EPN2: variants seen among roughly 807,000 people sequenced by gnomAD.
The protein encoded by EPN2 is epsin-2.
EPN2 carries 34 observed loss-of-function variants against 61.7 expected under a neutral mutation model. The observed-to-expected ratio is 0.55, with a 90% CI of 0.42 to 0.73. EPN2 has a LOEUF of 0.73. EPN2 is among the 30% of genes least tolerant of loss of function. EPN2 has a pLI of 0.00. For missense variants in EPN2, 714 were observed against 839.2 expected, an observed-to-expected ratio of 0.85 and a Z score of 1.84; for synonymous variants, 349 against 353.6, an observed-to-expected ratio of 0.99 and a Z score of 0.15.
At position 19,334,456 on chromosome 17, in the gene EPN2, C is replaced by G. The variant is rs1034916976; in HGVS notation, c.*202C>G. 1 of 415,158 alleles carries G rather than the reference C, an allele frequency of 2.4e-6. No homozygotes were observed. The highest frequency in any genetic ancestry group is 2.0e-5 in the African/African-American group (1 of 48,968). 25.7% of individuals were successfully genotyped at this position (415,158 alleles called of 1,614,324 possible). A position where few individuals can be genotyped will look rare whatever the true frequency, so the allele number is the denominator to read the frequency against. ...GGCAGGCCCCTCAGCCTGGCCTGCT[C>G]TCACCACCTCCTCCAAAGCACTGAG... is the stretch of plus-strand genomic sequence containing the variant. On this transcript the variant is annotated 3_prime_UTR_variant, in exon 11 of 11. Coordinates refer to ENST00000314728, the MANE Select transcript of EPN2 (RefSeq NM_014964.5). The surrounding 1 kb of genome is among the most constrained non-coding windows in gnomAD (Gnocchi z 4.9).
chr17:19,284,631 A>T (rs2045387624), intron 3 of EPN2, among the ~76,000 whole-genome samples: 1 of 152,250 alleles, frequency 6.6e-6, no homozygotes, highest in Admixed American at 6.5e-5. Context: ...AGCATAGCAG[A>T]AAACTTCTTT....
At chr17:19,267,588 G>C (rs2045213258) in intron 1 of EPN2, among the ~76,000 whole-genome samples, 1 of 151,422 alleles carries the variant, frequency 6.6e-6, no homozygotes, top group African/African-American at 2.4e-5. Flanking sequence ...TGTCGCCCAG[G>C]CTGGAATGCA....
At position 19,313,187 on chromosome 17, in the gene EPN2, A is replaced by G; in HGVS notation, c.1055A>G (p.Glu352Gly). The change falls in exon 7 of 11, where the codon GAG (glutamate) becomes GGG (glycine). Residue 352 changes from glutamate to glycine, a missense_variant. Glu to Gly is a moderately conservative substitution (Grantham distance 98). Around this residue, in one of 2 missense-constraint regions of EPN2, gnomAD observed 410 missense variants for 421.8 expected, o/e 0.97. Transcript: ENST00000314728. The stretch of plus-strand genomic sequence containing the variant: ...TCGGGCCCCGCGGCCCAGAAAGCAG[A>G]GCCCTGGGGCCCGTCAGCCTCCACT... ...PSSGPAAQKA[E>G]PWGPSASTNQ... 1 of 1,612,978 alleles carries G rather than the reference A, an allele frequency of 6.2e-7. No homozygotes were observed. The highest frequency in any genetic ancestry group is 8.5e-7 in the Non-Finnish European group (1 of 1,179,598).
At chr17:19,289,086 T>G (rs1295030048) in intron 4 of EPN2, among the ~76,000 whole-genome samples, 3 of 137,694 alleles carry the variant, frequency 2.2e-5, no homozygotes, top group Non-Finnish European at 3.1e-5. Context: ...TTTTTTTTTT[T>G]TTTTTTTTTT....
At chr17:19,316,469 C>T (rs1351598533) in intron 7 of EPN2, among the ~76,000 whole-genome samples, 1 of 152,200 alleles carries the variant, frequency 6.6e-6, no homozygotes, top group African/African-American at 2.4e-5. Flanking sequence ...GTGCTTATGG[C>T]ACCATGTCCT....
Position 19,333,940 on chromosome 17 carries a change from C to A in EPN2, c.1628-16C>A. The A allele has an allele frequency of 6.6e-7, 1 of 1,517,254 alleles. No individual in the cohort carries two copies. Among genetic ancestry groups the A allele is most frequent in the African/African-American group, 1.4e-5 (1 of 72,506 alleles). The allele number at this position is 1,517,254 out of a possible 1,614,324, so 94.0% of individuals were successfully genotyped here. On this transcript the variant is annotated splice_polypyrimidine_tract_variant and intron_variant, in intron 10 of 10. Transcript: ENST00000314728. Reference sequence around the variant, plus strand: ...CCCTGACGGCTCAGCCTCTGCCCCTCCTTCTGTCTCCCCAGGTGCTCCCGC... The same window carrying A: ...CCCTGACGGCTCAGCCTCTGCCCCTACTTCTGTCTCCCCAGGTGCTCCCGC...
intron 4 of EPN2, among the ~76,000 whole-genome samples, chr17:19,289,233 C>T (rs111594459): frequency 0.014 from 2,101 of 151,810 alleles, 34 homozygotes; most frequent in South Asian, 0.065. Context: ...TACAGGCGCC[C>T]GCCACCACGC....
At chr17:19,242,950 A>G (rs1377444863) in intron 1 of EPN2, among the ~76,000 whole-genome samples, 1 of 152,198 alleles carries the variant, frequency 6.6e-6, no homozygotes, top group Non-Finnish European at 1.5e-5. Flanking sequence ...GGTACAGTTA[A>G]TTTGGCTTCA....
In EPN2 at chr17:19,322,801, T is replaced by G. The variant is rs188569574; in HGVS notation, c.1148-5910T>G. ...GCTTAATAGGCCCTTACTAAAGCTA[T>G]TCAGCATTTCAGAGACGAGAAGGCA... On this transcript the variant is annotated intron_variant, in intron 7 of 10. Transcript: ENST00000314728. Among the ~76,000 whole-genome samples the G allele has an allele frequency of 6.2e-4, 94 of 151,454 alleles. 1 individual carries two copies. The highest frequency in any genetic ancestry group is 1.1e-3 in the Non-Finnish European group (75 of 67,944).
chr17:19,274,386 A>G (rs995658610), intron 1 of EPN2: 1 of 152,206 alleles, frequency 6.6e-6, no homozygotes, highest in Admixed American at 6.5e-5. Flanking sequence ...ACATGTAGAA[A>G]CATAGGAGGC....
At chr17:19,252,985 G>C (rs4312361) in intron 1 of EPN2, among the ~76,000 whole-genome samples, 5,106 of 152,294 alleles carry the variant, frequency 0.034, 347 homozygotes, top group South Asian at 0.19. Flanking sequence ...ATAGGCATGA[G>C]CCACCACACC....
chr17:19,319,578 G>T (rs1906551454), intron 7 of EPN2, among the ~76,000 whole-genome samples: 1 of 151,960 alleles, frequency 6.6e-6, no homozygotes, highest in Admixed American at 6.6e-5. Context: ...TGATCCACCT[G>T]CCTTGGCCTG....
At chr17:19,269,940 A>G (rs994206712) in intron 1 of EPN2, among the ~76,000 whole-genome samples, 8 of 152,212 alleles carry the variant, frequency 5.3e-5, no homozygotes, top group Non-Finnish European at 8.8e-5. Flanking sequence ...AGATTCAGCA[A>G]AGGAAAGTTT....
chr17:19,273,118 G>A (rs1039128594), intron 1 of EPN2: 1 of 152,222 alleles, frequency 6.6e-6, no homozygotes, highest in Non-Finnish European at 1.5e-5. Flanking sequence ...TTTGAGCTCT[G>A]CTGTGTCTGT....
chr17:19,319,973 C>T (rs1598020542), intron 7 of EPN2, among the ~76,000 whole-genome samples: 1 of 152,232 alleles, frequency 6.6e-6, no homozygotes, highest in East Asian at 1.9e-4. Flanking sequence ...TATACTTTTG[C>T]AGGGAGCCTG....
rs781336503 is a variant in EPN2, at chr17:19,309,903, C to G, written c.785C>G (p.Ser262Cys). Residue 262 changes from serine (S) to cysteine (C), a missense_variant, in exon 5 of 11, where the codon TCC becomes TGC. Ser to Cys is a moderately radical substitution (Grantham distance 112). Transcript: ENST00000314728. The stretch of plus-strand genomic sequence containing the variant: ...CCAACAGCCACCTCCCCGCGAGTGT[C>G]CTCCGAGCTGGAGCAAGCCCGGCCC... ...RAARATSPRV[S>C]SELEQARPQT... The G allele has an allele frequency of 6.2e-7, 1 of 1,608,226 alleles. No homozygotes were observed. Among genetic ancestry groups the G allele is most frequent in the South Asian group, 1.1e-5 (1 of 91,082 alleles).
At chr17:19,310,045 G>C in intron 5 of EPN2, 48 bp downstream of exon 5, 1 of 1,331,394 alleles carries the variant, frequency 7.5e-7, no homozygotes, top group Non-Finnish European at 1.1e-6. Context: ...CCATGCTCAG[G>C]GTGGAGTGTG....
chr17:19,247,923 G>A (rs1185497394), intron 1 of EPN2, among the ~76,000 whole-genome samples: 1 of 152,208 alleles, frequency 6.6e-6, no homozygotes, highest in East Asian at 1.9e-4. Flanking sequence ...GACTCCCTGG[G>A]AGCCTGCAAA....
chr17:19,286,382 G>T (rs2045405220), intron 4 of EPN2, among the ~76,000 whole-genome samples: 1 of 152,154 alleles, frequency 6.6e-6, no homozygotes. Context: ...GGTGTTTGAA[G>T]ATACCTAATT....
Sources: allele counts gnomAD v4.1 joint callset (sites outside exome capture counted in the v4.1 genomes callset), GRCh38; gene constraint gnomAD v4.1.1; regional missense constraint gnomAD v4.1.1; non-coding constraint Gnocchi (gnomAD v3.1); transcripts MANE v1.5; gene names NCBI Gene and HGNC (gene_info 2026-07-23, HGNC 2026-07-21).